MCCC1: variants seen among roughly 807,000 people sequenced by gnomAD.
MCCC1 encodes methylcrotonyl-CoA carboxylase subunit 1.
A neutral mutation model predicts 83.8 loss-of-function variants in MCCC1; 64 were observed. That is an observed-to-expected ratio of 0.76 (90% confidence interval 0.62 to 0.94). The LOEUF is 0.94. Ranked by LOEUF, MCCC1 falls within the 40% of genes least tolerant of loss-of-function variation. The probability of loss-of-function intolerance (pLI) is 0.00; values close to 1 mark genes in which losing one functional copy is unlikely to be tolerated. For missense variants in MCCC1, 807 were observed against 904.7 expected (o/e 0.89, Z 1.39); for synonymous variants, 322 against 315.4 (o/e 1.02, Z -0.22).
At chr3:183,077,549 C>T (rs1008747112) in intron 4 of MCCC1, among the ~76,000 whole-genome samples, 1 of 152,132 alleles carries the variant, frequency 6.6e-6, no homozygotes, top group Non-Finnish European at 1.5e-5. Context: ...GGTGAAGGAT[C>T]TATTCAAATA....
At chr3:183,062,403 G>A (rs1251289349) in intron 7 of MCCC1, among the ~76,000 whole-genome samples, 2 of 146,782 alleles carry the variant, frequency 1.4e-5, no homozygotes, top group African/African-American at 2.6e-5. Flanking sequence ...TGCCCAGGCT[G>A]GAGTGTAGTG....
At chr3:183,049,114 AG>A (rs1714763611) in intron 9 of MCCC1, among the ~76,000 whole-genome samples, 1 of 152,242 alleles carries the variant, frequency 6.6e-6, no homozygotes, top group Non-Finnish European at 1.5e-5. Flanking sequence ...GGAAATTTAT[AG>A]CATTGAATGT....
chr3:183,098,262 C>A (rs1718889326), intron 1 of MCCC1, among the ~76,000 whole-genome samples: 1 of 152,212 alleles, frequency 6.6e-6, no homozygotes, highest in Admixed American at 6.5e-5. Flanking sequence ...TTCTCTGGGG[C>A]ACTCCTACAA....
At chr3:183,094,418 C>A in intron 2 of MCCC1, 141 bp downstream of exon 2, 1 of 810,206 alleles carries the variant, frequency 1.2e-6, no homozygotes, top group Non-Finnish European at 2.1e-6. Flanking sequence ...TGACTTAACA[C>A]TTCCTAGAAA....
At chr3:183,072,887 T>G (rs1716803838) in intron 4 of MCCC1, among the ~76,000 whole-genome samples, 1 of 152,202 alleles carries the variant, frequency 6.6e-6, no homozygotes, top group Admixed American at 6.5e-5. Context: ...GGATTTTACT[T>G]TCTGTTTATG....
rs1713292782 is a variant in MCCC1, at chr3:183,033,929, T to C, written c.1681+62A>G. The stretch of plus-strand genomic sequence containing the variant: ...ATCATGGCCAGGCTGGAATCCTCTT[T>C]TTCAGATTAATGTGATACATTTCTA... On this transcript the variant is annotated intron_variant, in intron 14 of 18. Coordinates refer to ENST00000265594, the MANE Select transcript of MCCC1 (RefSeq NM_020166.5). 3 of 1,325,622 alleles carry C rather than the reference T, an allele frequency of 2.3e-6. No individual in the cohort carries two copies. In the Admixed American group the frequency reaches 5.1e-5, roughly 22 times the overall value. 82.1% of individuals were successfully genotyped at this position (1,325,622 alleles called of 1,614,324 possible).
At chr3:183,025,960 G>A (rs867544766) in intron 14 of MCCC1, among the ~76,000 whole-genome samples, 156 bp from the exon 15 acceptor site, 1 of 152,168 alleles carries the variant, frequency 6.6e-6, no homozygotes, top group Admixed American at 6.5e-5. Context: ...TATTTTGTTA[G>A]AAAAGCATCT....
intron 7 of MCCC1, among the ~76,000 whole-genome samples, chr3:183,058,620 C>A (rs950836537): frequency 1.3e-5 from 2 of 152,086 alleles, no homozygotes; most frequent in African/African-American, 2.4e-5. Context: ...TAAAGTCAGA[C>A]CCCATCTCTA....
At chr3:183,093,768 CA>C (rs1458621677) in intron 2 of MCCC1, among the ~76,000 whole-genome samples, 1 of 152,006 alleles carries the variant, frequency 6.6e-6, no homozygotes, top group African/African-American at 2.4e-5. Flanking sequence ...TGAGTGTGGG[CA>C]GGGGAAGGAG....
intron 18 of MCCC1, 106 bp downstream of exon 18, chr3:183,017,160 G>T: frequency 1.0e-6 from 1 of 993,222 alleles, no homozygotes; most frequent in Non-Finnish European, 1.6e-6. Context: ...GTCAATCATG[G>T]CTTTTCATAT....
At chr3:183,106,482 TTTTCTTTCTTTC>T (rs144890143) in intron 1 of MCCC1, among the ~76,000 whole-genome samples, 19 of 146,958 alleles carry the variant, frequency 1.3e-4, no homozygotes, top group African/African-American at 2.6e-4. Context: ...TTCTTTGTTC[TTTTCTTTCTTTC>T]TTTCTTTCTT....
intron 4 of MCCC1, among the ~76,000 whole-genome samples, chr3:183,082,575 G>C (rs552400398): frequency 6.2e-4 from 94 of 152,248 alleles, no homozygotes; most frequent in African/African-American, 2.2e-3. Context: ...GGCCTCTTCC[G>C]CAAGGCAGTA....
Position 183,045,485 on chromosome 3 carries a change from A to G in MCCC1, c.1011T>C (p.Asn337=). Reference sequence around the variant, plus strand: ...CAGGATGTTCCACTTGCAGCCTTGTATTCATCTCCATGAAACAGAAATTAT... The same window carrying G: ...CAGGATGTTCCACTTGCAGCCTTGTGTTCATCTCCATGAAACAGAAATTAT... The part of the protein sequence containing the change: ...SKHNFCFMEM[N]TRLQVEHPVT... The change falls in exon 10 of 19, where the codon AAT becomes AAC. Residue 337 remains asparagine (N), a synonymous_variant. Coordinates refer to ENST00000265594, the MANE Select transcript of MCCC1 (RefSeq NM_020166.5). 14 of 1,614,126 alleles carry G rather than the reference A, an allele frequency of 8.7e-6. No homozygotes were observed. Among genetic ancestry groups the G allele is most frequent in the African/African-American group, 1.3e-5 (1 of 75,062 alleles).
At chr3:183,108,182 G>A (rs148205184) in intron 1 of MCCC1, among the ~76,000 whole-genome samples, 8 of 152,310 alleles carry the variant, frequency 5.3e-5, no homozygotes, top group Middle Eastern at 6.8e-3. Context: ...GATAGTTTAG[G>A]TTTTGACTAC....
upstream of MCCC1, chr3:183,099,668 T>C (rs1395411920): frequency 4.9e-6 from 3 of 609,940 alleles, no homozygotes; most frequent in Non-Finnish European, 8.7e-6. Context: ...CACGTGCTCG[T>C]GGGGGTGTGG....
intron 10 of MCCC1, among the ~76,000 whole-genome samples, chr3:183,044,003 A>C (rs529187830): frequency 6.6e-6 from 1 of 152,234 alleles, no homozygotes; most frequent in African/African-American, 2.4e-5. Context: ...TTTCGTTAAC[A>C]CCCTAGGATA....
intron 15 of MCCC1, among the ~76,000 whole-genome samples, chr3:183,025,173 A>G (rs896231720): frequency 3.3e-5 from 5 of 152,322 alleles, no homozygotes; most frequent in African/African-American, 9.6e-5. Context: ...TAACTGTTTA[A>G]TCAGTGAGTA....
At chr3:183,088,255 G>A (rs1718057078) in intron 3 of MCCC1, among the ~76,000 whole-genome samples, 1 of 150,726 alleles carries the variant, frequency 6.6e-6, no homozygotes, top group East Asian at 1.9e-4. Flanking sequence ...CGCCCAGGCT[G>A]GAATGTAGTG....
chr3:183,101,742 C>T (rs1373504589), upstream of MCCC1, among the ~76,000 whole-genome samples: 1 of 152,140 alleles, frequency 6.6e-6, no homozygotes, highest in Non-Finnish European at 1.5e-5. Context: ...TTCTTTCGCT[C>T]TTTGCAATAA....
Sources: allele counts gnomAD v4.1 joint callset (sites outside exome capture counted in the v4.1 genomes callset), GRCh38; gene constraint gnomAD v4.1.1; transcripts MANE v1.5; gene names NCBI Gene and HGNC (gene_info 2026-07-23, HGNC 2026-07-21).